IMMP2L: variants seen among roughly 807,000 people sequenced by gnomAD.
IMMP2L encodes the protein inner mitochondrial membrane peptidase subunit 2.
A neutral mutation model predicts 19.3 loss-of-function variants in IMMP2L; 18 were observed. That is an observed-to-expected ratio of 0.93 (90% CI 0.64 to 1.38). The LOEUF (loss-of-function observed/expected upper bound fraction) is 1.38. Ranked by LOEUF, IMMP2L falls within the 40% of genes most tolerant of loss-of-function variation. The pLI is 0.00. For synonymous variants in IMMP2L, 76 were observed against 73.0 expected (o/e 1.04, Z -0.21); for missense variants, 233 against 218.2 (o/e 1.07, Z -0.43).
intron 3 of IMMP2L, among the ~76,000 whole-genome samples, chr7:111,482,038 T>C (rs967956921): frequency 1.3e-5 from 2 of 152,026 alleles, no homozygotes; most frequent in Non-Finnish European, 2.9e-5. Flanking sequence ...AAACTAAAAC[T>C]GGAAGAAAAA....
intron 4 of IMMP2L, chr7:110,962,636 C>T: frequency 1.4e-6 from 1 of 695,836 alleles, no homozygotes; most frequent in Non-Finnish European, 1.8e-6. Context: ...GTTTTAATCT[C>T]ATAGGCCCCC....
chr7:111,200,529 T>C (rs747984161), intron 3 of IMMP2L, among the ~76,000 whole-genome samples: 14 of 152,116 alleles, frequency 9.2e-5, no homozygotes, highest in Non-Finnish European at 1.9e-4. Context: ...ATATACTGGG[T>C]TCTATTTTGG....
At chr7:110,801,251 G>A (rs1190126380) in intron 5 of IMMP2L, among the ~76,000 whole-genome samples, 4 of 152,056 alleles carry the variant, frequency 2.6e-5, no homozygotes, top group East Asian at 1.9e-4. Context: ...CTTAGCTGCT[G>A]TAGTTGTCCC....
rs924874824 is a variant in IMMP2L, at chr7:111,447,589, G to A, written c.239+39649C>T. Among the ~76,000 whole-genome samples the A allele has an allele frequency of 1.3e-5, 2 of 150,272 alleles. 1 individual carries two copies. The highest frequency in any genetic ancestry group is 3.0e-5 in the Non-Finnish European group (2 of 67,690). On this transcript the variant is annotated intron_variant, in intron 3 of 5. Coordinates refer to ENST00000405709, the MANE Select transcript of IMMP2L (RefSeq NM_032549.4). ...ACATGGAAAGGAACAACCGGTACCA[G>A]CCGCTGCAAAATCATGCCAAAATGT...
intron 2 of IMMP2L, among the ~76,000 whole-genome samples, chr7:111,511,428 T>C (rs1001975293): frequency 6.6e-6 from 1 of 151,980 alleles, no homozygotes; most frequent in African/African-American, 2.4e-5. Flanking sequence ...GCAGATCGCT[T>C]GAGCTCAGGA....
At chr7:111,160,703 G>A (rs899115735) in intron 3 of IMMP2L, among the ~76,000 whole-genome samples, 1 of 145,982 alleles carries the variant, frequency 6.9e-6, no homozygotes, top group Admixed American at 6.8e-5. Flanking sequence ...ACAAAGATAT[G>A]AATAAAAATT....
Position 110,688,944 on chromosome 7 carries a change from AT to A in IMMP2L, c.409-25224del, listed in dbSNP as rs1466584522. Among the ~76,000 whole-genome samples the A allele has an allele frequency of 5.3e-5, 8 of 152,210 alleles. No homozygotes were observed. The South Asian group carries it at 1.5e-3, about 28-fold the overall frequency. Reference sequence around the variant, plus strand: ...GAGGTCTGAAAAGATGTACATAAACATTTCATTATCTTTAGGGGGTGGAATT... The same window carrying A: ...GAGGTCTGAAAAGATGTACATAAACATTCATTATCTTTAGGGGGTGGAATT... On this transcript the variant is annotated intron_variant, in intron 5 of 5. Coordinates refer to ENST00000405709, the MANE Select transcript of IMMP2L (RefSeq NM_032549.4).
chr7:111,546,852 T>C (rs1585631581), intron 1 of IMMP2L, among the ~76,000 whole-genome samples: 1 of 152,304 alleles, frequency 6.6e-6, no homozygotes, highest in Middle Eastern at 3.4e-3. Flanking sequence ...CACTAAACAT[T>C]TAAATTGTAT....
chr7:111,270,811 C>A (rs1159810501), intron 3 of IMMP2L, among the ~76,000 whole-genome samples: 1 of 151,900 alleles, frequency 6.6e-6, no homozygotes, highest in Non-Finnish European at 1.5e-5. Context: ...TTTCTTTATT[C>A]CTCTAGGAAT....
intron 3 of IMMP2L, among the ~76,000 whole-genome samples, chr7:111,015,536 A>T (rs1825412681): frequency 2.0e-5 from 3 of 152,128 alleles, no homozygotes; most frequent in African/African-American, 7.2e-5. Context: ...CAAATGGTTA[A>T]GAGGGTAAAT....
rs139409853 is a variant in IMMP2L at position 111,286,985 on chromosome 7, G to T, written c.239+200253C>A. ...ATTAGGCAATGTTTCAAGATAAACT[G>T]GCTGCAAAATGTGCTCTCCCTAGAG... On this transcript the variant is annotated intron_variant, in intron 3 of 5. Transcript: ENST00000405709. Among the ~76,000 whole-genome samples the T allele has an allele frequency of 1.3e-3, 200 of 152,272 alleles. 1 individual carries two copies. The highest frequency in any genetic ancestry group is 3.0e-3 in the African/African-American group (125 of 41,560).
chr7:111,307,212 CTTAA>C (rs1300363709), intron 3 of IMMP2L, among the ~76,000 whole-genome samples: 1 of 151,708 alleles, frequency 6.6e-6, no homozygotes, highest in East Asian at 1.9e-4. Context: ...AATTTAAGAT[CTTAA>C]TTTTCTTATA....
Position 111,065,275 on chromosome 7 carries a change from T to C in IMMP2L, c.240-101710A>G, listed in dbSNP as rs895599313. 4.6e-5 allele frequency among the ~76,000 whole-genome samples: 7 copies of C among 152,240 alleles called. No individual in the cohort carries two copies. The East Asian group carries it at 7.7e-4, about 17-fold the overall frequency. ...ATCAGCATTTAAGTATTGCTAACTT[T>C]ATATAATAGCATTTGGTTTGGGGAT... On this transcript the variant is annotated intron_variant, in intron 3 of 5. Transcript: ENST00000405709.
At chr7:111,381,363 C>G (rs1831188749) in intron 3 of IMMP2L, among the ~76,000 whole-genome samples, 1 of 151,930 alleles carries the variant, frequency 6.6e-6, no homozygotes, top group Admixed American at 6.6e-5. Context: ...ATGGTATTCC[C>G]TAGCCACGTG....
At chr7:111,259,254 G>A (rs1464622321) in intron 3 of IMMP2L, among the ~76,000 whole-genome samples, 2 of 152,130 alleles carry the variant, frequency 1.3e-5, no homozygotes. Context: ...GAGTGAACCT[G>A]AAGGCCTAGG....
chr7:110,876,041 ATTTC>A (rs1325869630), intron 5 of IMMP2L, among the ~76,000 whole-genome samples: 1 of 152,150 alleles, frequency 6.6e-6, no homozygotes, highest in African/African-American at 2.4e-5. Context: ...AAACGGATAC[ATTTC>A]TTTATGAAAA....
chr7:111,454,968 C>T (rs1305025807), intron 3 of IMMP2L, among the ~76,000 whole-genome samples: 2 of 151,552 alleles, frequency 1.3e-5, no homozygotes, highest in African/African-American at 4.8e-5. Context: ...AACTTCTAAA[C>T]TTTAAGATTT....
intron 3 of IMMP2L, among the ~76,000 whole-genome samples, chr7:111,451,348 G>A (rs1288948688): frequency 1.3e-5 from 2 of 151,276 alleles, no homozygotes; most frequent in Non-Finnish European, 2.9e-5. Context: ...TTAAGAAAAT[G>A]TGGCACATAT....
chr7:111,051,827 A>G (rs896003885), intron 3 of IMMP2L, among the ~76,000 whole-genome samples: 2 of 152,244 alleles, frequency 1.3e-5, no homozygotes, highest in Non-Finnish European at 2.9e-5. Context: ...AATAGGTGAC[A>G]AGAACATTGG....
Sources: allele counts gnomAD v4.1 joint callset (sites outside exome capture counted in the v4.1 genomes callset), GRCh38; gene constraint gnomAD v4.1.1; transcripts MANE v1.5; gene names NCBI Gene and HGNC (gene_info 2026-07-23, HGNC 2026-07-21).